Variants in MCTP1 observed in about 807,000 individuals in gnomAD.
MCTP1 encodes multiple C2 and transmembrane domain-containing protein 1.
A neutral mutation model predicts 120.6 loss-of-function variants in MCTP1; 69 were observed. The observed-to-expected ratio is 0.57, with a 90% CI of 0.47 to 0.70. The LOEUF (loss-of-function observed/expected upper bound fraction) is 0.70. MCTP1 is among the 30% of genes least tolerant of loss of function. The pLI is 0.00. For missense variants in MCTP1, 1,203 were observed against 1,248.8 expected (o/e 0.96, Z 0.55); for synonymous variants, 529 against 493.1 (o/e 1.07, Z -0.96).
chr5:95,009,216 A>T (rs1835431610), intron 2 of MCTP1, among the ~76,000 whole-genome samples: 1 of 152,140 alleles, frequency 6.6e-6, no homozygotes, highest in Non-Finnish European at 1.5e-5. Flanking sequence ...ATAATTTGCT[A>T]AGGCAGCTCA....
At position 94,704,518 on chromosome 5, in the gene MCTP1, C is replaced by T. The variant is rs1173050355; in HGVS notation, c.*2978G>A. On this transcript the variant is annotated 3_prime_UTR_variant, in exon 23 of 23. Coordinates refer to ENST00000515393, the MANE Select transcript of MCTP1 (RefSeq NM_024717.7). ...TGAGATCAAAGTGGAAAAAAAGCTC[C>T]TGTGGTCCCTAGATAAGCATTTACT... The T allele has an allele frequency of 6.6e-6, 1 of 151,074 alleles. No individual in the cohort carries two copies. Among genetic ancestry groups the T allele is most frequent in the Non-Finnish European group, 1.5e-5 (1 of 67,542 alleles). The allele number at this position is 151,074 out of a possible 1,614,324, so 9.4% of individuals were successfully genotyped here. A position where few individuals can be genotyped will look rare whatever the true frequency, so the allele number is the denominator to read the frequency against.
chr5:94,993,609 A>C (rs780984284), intron 2 of MCTP1, among the ~76,000 whole-genome samples: 13 of 152,084 alleles, frequency 8.5e-5, no homozygotes, highest in Non-Finnish European at 4.4e-5. Context: ...CTTTTACAGA[A>C]ACTCTAAATG....
At chr5:94,995,526 T>C (rs1832454879) in intron 2 of MCTP1, among the ~76,000 whole-genome samples, 1 of 152,136 alleles carries the variant, frequency 6.6e-6, no homozygotes, top group Non-Finnish European at 1.5e-5. Context: ...AGTGAGACTC[T>C]CCTTGCAGAG....
intron 2 of MCTP1, among the ~76,000 whole-genome samples, chr5:95,001,231 C>T (rs1217765720): frequency 2.6e-5 from 4 of 152,114 alleles, no homozygotes; most frequent in South Asian, 2.1e-4. Context: ...TACCCAGTGT[C>T]GGGTATTTCT....
intron 1 of MCTP1, among the ~76,000 whole-genome samples, chr5:95,174,568 G>C (rs536416978): frequency 6.6e-6 from 1 of 152,164 alleles, no homozygotes; most frequent in African/African-American, 2.4e-5. Flanking sequence ...GAAAATGTCT[G>C]TCTCATTCTT....
At chr5:95,059,707 AGAG>A (rs140978639) in intron 1 of MCTP1, among the ~76,000 whole-genome samples, 13,621 of 152,028 alleles carry the variant, frequency 0.09, 913 homozygotes, top group East Asian at 0.35. Context: ...ATCAGAAATA[AGAG>A]GAGAAGAGTA....
chr5:94,954,345 C>T (rs1264121559), intron 2 of MCTP1, among the ~76,000 whole-genome samples: 2 of 151,078 alleles, frequency 1.3e-5, no homozygotes, highest in Non-Finnish European at 2.9e-5. Flanking sequence ...CAAGTGGGAG[C>T]TAAACAATTG....
intron 1 of MCTP1, among the ~76,000 whole-genome samples, chr5:95,280,316 A>G (rs993136529): frequency 4.6e-5 from 7 of 152,256 alleles, no homozygotes; most frequent in African/African-American, 1.4e-4. Flanking sequence ...CTTTTCAAAA[A>G]TAGTTTATCC....
In MCTP1 at chr5:94,917,898, G is replaced by C; in HGVS notation, c.1348C>G (p.Gln450Glu). The change falls in exon 8 of 23, where the codon CAA (glutamine) becomes GAA (glutamate). Residue 450 changes from glutamine (Q) to glutamate (E), a missense_variant and splice_region_variant. Around this residue, in one of 2 missense-constraint regions of MCTP1, gnomAD observed 740 missense variants for 871.1 expected, o/e 0.85. Transcript: ENST00000515393. The part of the protein sequence containing the change: ...ELQNPYCKNV[Q>E]FQTQSLRLSD... Reference sequence around the variant, plus strand: ...ATGAACTGAATGGTTGAACTTACTTGTACATTTTTGCAATAAGGATTCTGA... The same window carrying C: ...ATGAACTGAATGGTTGAACTTACTTCTACATTTTTGCAATAAGGATTCTGA... 6.2e-7 allele frequency: 1 copy of C among 1,612,718 alleles called. No individual in the cohort carries two copies. Among genetic ancestry groups the C allele is most frequent in the Admixed American group, 1.7e-5 (1 of 59,998 alleles).
Position 95,156,095 on chromosome 5 carries a change from A to G in MCTP1, c.720+127761T>C, listed in dbSNP as rs545458690. On this transcript the variant is annotated intron_variant, in intron 1 of 22. Transcript: ENST00000515393. ...GAACACAAAGACCTGATTCCTGTCA[A>G]TGATGTAAATGAGCTTGGAAGAGGA... is the stretch of plus-strand genomic sequence containing the variant. 8.8e-4 allele frequency among the ~76,000 whole-genome samples: 134 copies of G among 152,318 alleles called. 2 individuals are homozygous for G. The highest frequency in any genetic ancestry group is 3.0e-3 in the African/African-American group (124 of 41,576).
rs1754830057 is a variant in MCTP1, at chr5:94,707,176, A to C, written c.*320T>G. The C allele has an allele frequency of 4.8e-6, 1 of 208,262 alleles. No individual in the cohort carries two copies. The highest frequency in any genetic ancestry group is 1.2e-4 in the South Asian group (1 of 8,060). The allele number at this position is 208,262 out of a possible 1,614,324, so 12.9% of individuals were successfully genotyped here. Reference sequence around the variant, plus strand: ...AGATTTAATCAGAGCACAGGTGAGTATTTAATCCACTAGTAATTAGATAAG... The same window carrying C: ...AGATTTAATCAGAGCACAGGTGAGTCTTTAATCCACTAGTAATTAGATAAG... On this transcript the variant is annotated 3_prime_UTR_variant, in exon 23 of 23. Coordinates refer to ENST00000515393, the MANE Select transcript of MCTP1 (RefSeq NM_024717.7).
intron 1 of MCTP1, among the ~76,000 whole-genome samples, chr5:95,055,111 G>A (rs1280560435): frequency 6.6e-6 from 1 of 152,118 alleles, no homozygotes; most frequent in Non-Finnish European, 1.5e-5. Flanking sequence ...TTCTTTTGGT[G>A]TATCTTAATG....
At chr5:95,178,222 A>G (rs1748227400) in intron 1 of MCTP1, among the ~76,000 whole-genome samples, 2 of 152,204 alleles carry the variant, frequency 1.3e-5, no homozygotes, top group African/African-American at 4.8e-5. Context: ...CTGAGATCAG[A>G]CAGGCCTATC....
intron 1 of MCTP1, among the ~76,000 whole-genome samples, chr5:95,087,787 G>C (rs774918105): frequency 6.6e-6 from 1 of 152,088 alleles, no homozygotes. Context: ...TTATACCCAT[G>C]GGTCTGAGAA....
intron 17 of MCTP1, among the ~76,000 whole-genome samples, chr5:94,814,178 A>G (rs1435219067): frequency 6.6e-6 from 1 of 152,188 alleles, no homozygotes; most frequent in Non-Finnish European, 1.5e-5. Context: ...GTAAAACAAA[A>G]TTTCACCTGT....
intron 1 of MCTP1, among the ~76,000 whole-genome samples, chr5:95,148,112 T>C (rs571883066): frequency 6.6e-6 from 1 of 152,330 alleles, no homozygotes; most frequent in South Asian, 2.1e-4. Flanking sequence ...CTGATCTTTC[T>C]CTCTAGCTGC....
chr5:94,710,828 G>A lies in MCTP1; in HGVS notation c.2820C>T (p.Val940=). The A allele has an allele frequency of 6.2e-7, 1 of 1,610,846 alleles. No individual in the cohort carries two copies. Among genetic ancestry groups the A allele is most frequent in the Non-Finnish European group, 8.5e-7 (1 of 1,177,722 alleles). ...ILYCIPLRYI[V]LVWGINKFTK... ...GGAGGCTTTACTTACCCCAGACAAG[G>A]ACAATGTATCTCAGCGGAATGCAGT... The change falls in exon 21 of 23, where the codon GTC becomes GTT. Residue 940 remains valine, a synonymous_variant. Coordinates refer to ENST00000515393, the MANE Select transcript of MCTP1 (RefSeq NM_024717.7).
intron 1 of MCTP1, among the ~76,000 whole-genome samples, chr5:95,180,574 CTA>C (rs1324123488): frequency 6.6e-6 from 1 of 152,128 alleles, no homozygotes; most frequent in African/African-American, 2.4e-5. Flanking sequence ...CTTTCCCTGT[CTA>C]TCTCACGTCT....
intron 5 of MCTP1, among the ~76,000 whole-genome samples, chr5:94,938,473 T>C (rs776359274): frequency 1.3e-5 from 2 of 152,086 alleles, no homozygotes; most frequent in African/African-American, 2.4e-5. Flanking sequence ...CTCTTTCTTG[T>C]TTTTGCTTTA....
Sources: allele counts gnomAD v4.1 joint callset (sites outside exome capture counted in the v4.1 genomes callset), GRCh38; gene constraint gnomAD v4.1.1; regional missense constraint gnomAD v4.1.1; transcripts MANE v1.5; gene names NCBI Gene and HGNC (gene_info 2026-07-23, HGNC 2026-07-21).